The following ATF7IP variants were observed in gnomAD, a reference collection of about 807,000 sequenced individuals.
The protein encoded by ATF7IP is activating transcription factor 7 interacting protein, also known as activating transcription factor 7-interacting protein 1.
A neutral mutation model predicts 106.4 loss-of-function variants in ATF7IP; 23 were observed. The observed-to-expected ratio is 0.22, with a 90% CI of 0.16 to 0.31. The LOEUF is 0.31. Among genes scored for constraint, ATF7IP ranks in the 10% least tolerant of loss-of-function variants. The pLI, the probability that ATF7IP is intolerant of heterozygous loss-of-function variation, is 1.00. For missense variants in ATF7IP, 1,334 were observed against 1,524.3 expected (o/e 0.88, Z 2.08); for synonymous variants, 542 against 539.0 (o/e 1.01, Z -0.08).
At chr12:14,440,943 A>T (rs1308173579) in intron 5 of ATF7IP, among the ~76,000 whole-genome samples, 1 of 152,216 alleles carries the variant, frequency 6.6e-6, no homozygotes, top group East Asian at 1.9e-4. Context: ...ATTCCATTAT[A>T]TGGCGGTATA....
chr12:14,415,577 T>C (rs1941157729), intron 1 of ATF7IP, among the ~76,000 whole-genome samples: 1 of 152,166 alleles, frequency 6.6e-6, no homozygotes, highest in Non-Finnish European at 1.5e-5. Flanking sequence ...ATTCCACATT[T>C]TGGTCGGTGA....
intron 8 of ATF7IP, 91 bp from the exon 9 acceptor site, chr12:14,460,404 A>G: frequency 7.8e-7 from 1 of 1,277,736 alleles, no homozygotes; most frequent in Non-Finnish European, 1.1e-6. Flanking sequence ...GCAATGTATT[A>G]CGCAATGTAT....
intron 1 of ATF7IP, among the ~76,000 whole-genome samples, chr12:14,372,950 G>T (rs1448576727): frequency 1.3e-5 from 2 of 152,096 alleles, no homozygotes; most frequent in African/African-American, 4.8e-5. Context: ...AACTTTCTTT[G>T]GTTCAGTAAT....
intron 1 of ATF7IP, among the ~76,000 whole-genome samples, chr12:14,370,615 G>A (rs1233508337): frequency 1.3e-5 from 2 of 151,824 alleles, no homozygotes; most frequent in East Asian, 3.9e-4. Context: ...TAATTCATCG[G>A]TATTACACAC....
chr12:14,392,754 C>T (rs940001161), intron 1 of ATF7IP, among the ~76,000 whole-genome samples: 8 of 152,132 alleles, frequency 5.3e-5, no homozygotes, highest in African/African-American at 1.7e-4. Context: ...GAGAACTGTT[C>T]GCTTCTGGTC....
At chr12:14,459,362 G>A (rs1411067258) in intron 8 of ATF7IP, among the ~76,000 whole-genome samples, 2 of 152,120 alleles carry the variant, frequency 1.3e-5, no homozygotes, top group African/African-American at 2.4e-5. Flanking sequence ...GGAATATTAA[G>A]AAAAGAACCC....
intron 5 of ATF7IP, among the ~76,000 whole-genome samples, chr12:14,441,106 T>A (rs1942672145): frequency 1.3e-5 from 2 of 152,208 alleles, no homozygotes; most frequent in South Asian, 4.1e-4. Flanking sequence ...GGTGTGGAAT[T>A]GTGGGCCATA....
intron 1 of ATF7IP, chr12:14,419,493 G>T (rs1166735742): frequency 6.6e-6 from 1 of 152,138 alleles, no homozygotes; most frequent in Non-Finnish European, 1.5e-5. Context: ...TGAGGCTAAA[G>T]TTCAAAAGAA....
intron 1 of ATF7IP, among the ~76,000 whole-genome samples, chr12:14,399,560 ATTTT>A (rs1221504362): frequency 6.7e-6 from 1 of 149,476 alleles, no homozygotes; most frequent in Non-Finnish European, 1.5e-5. Flanking sequence ...AAACTTGTAT[ATTTT>A]TTCAGCTTTG....
At position 14,467,319 on chromosome 12, in the gene ATF7IP, C is replaced by T. The variant is rs1019329363; in HGVS notation, c.2862+729C>T. On this transcript the variant is annotated intron_variant, in intron 10 of 14. Transcript: ENST00000261168. The stretch of plus-strand genomic sequence containing the variant: ...TGAAAAAATGACAAGAATTTTAAAA[C>T]AAGGGCATCATTTGATCTTTAAATA... Among the ~76,000 whole-genome samples, 3 of 151,992 alleles carry T rather than the reference C, an allele frequency of 2.0e-5. No individual in the cohort carries two copies. In the East Asian group the frequency reaches 5.8e-4, roughly 29 times the overall value.
At chr12:14,382,761 G>A (rs530526936) in intron 1 of ATF7IP, among the ~76,000 whole-genome samples, 2 of 152,092 alleles carry the variant, frequency 1.3e-5, no homozygotes, top group East Asian at 3.8e-4. Flanking sequence ...ATCAAGATGC[G>A]ATTTATATCC....
intron 11 of ATF7IP, 34 bp downstream of exon 11, chr12:14,476,002 T>C: frequency 6.6e-7 from 1 of 1,523,580 alleles, no homozygotes; most frequent in South Asian, 1.1e-5. Flanking sequence ...AGCAACGTTT[T>C]GATACCATTT....
intron 1 of ATF7IP, among the ~76,000 whole-genome samples, chr12:14,404,647 A>G (rs1278436462): frequency 6.6e-6 from 1 of 152,118 alleles, no homozygotes; most frequent in African/African-American, 2.4e-5. Context: ...TTACTGTTAC[A>G]TATTTCACAA....
chr12:14,415,061 G>A (rs1388084562), intron 1 of ATF7IP, among the ~76,000 whole-genome samples: 1 of 152,026 alleles, frequency 6.6e-6, no homozygotes, highest in Non-Finnish European at 1.5e-5. Context: ...GTGCCACTGC[G>A]CCCAGCTCTG....
chr12:14,467,757 G>T (rs181943847), intron 10 of ATF7IP, among the ~76,000 whole-genome samples: 8 of 151,850 alleles, frequency 5.3e-5, no homozygotes, highest in Admixed American at 5.3e-4. Flanking sequence ...GTAAATGGTG[G>T]TTCTTCTAGA....
chr12:14,458,416 C>G (rs1343470439), intron 8 of ATF7IP, among the ~76,000 whole-genome samples: 1 of 152,204 alleles, frequency 6.6e-6, no homozygotes. Context: ...CTAGCCCTTA[C>G]AGATAATTGT....
chr12:14,369,010 C>T (rs1371014435), intron 1 of ATF7IP: 4 of 151,658 alleles, frequency 2.6e-5, no homozygotes, highest in Non-Finnish European at 5.9e-5. Context: ...AGTGCAGTGG[C>T]AGTGATCTCT....
intron 5 of ATF7IP, among the ~76,000 whole-genome samples, chr12:14,446,379 CTTAGGTGA>C (rs1030177595): frequency 6.6e-6 from 1 of 152,140 alleles, no homozygotes; most frequent in Non-Finnish European, 1.5e-5. Flanking sequence ...AACTCTTGGC[CTTAGGTGA>C]TCCACCTGCC....
chr12:14,365,754 G>T lies in ATF7IP; in HGVS notation c.-81G>T. On this transcript the variant is annotated 5_prime_UTR_variant, in exon 1 of 15. Transcript: ENST00000261168. ...GCGCGCGAAAAGCTGAGGCGGCAAC[G>T]TCGGGGACGGCTGCGCGGGACGGCT... 1 of 155,672 alleles carries T rather than the reference G, an allele frequency of 6.4e-6. No homozygotes were observed. Among genetic ancestry groups the T allele is most frequent in the Non-Finnish European group, 1.4e-5 (1 of 69,540 alleles). 9.6% of individuals were successfully genotyped at this position (155,672 alleles called of 1,614,324 possible). A position where few individuals can be genotyped will look rare whatever the true frequency, so the allele number is the denominator to read the frequency against.
Sources: gnomAD v4.1 joint callset for allele counts (sites outside exome capture counted in the v4.1 genomes callset) on GRCh38, gnomAD v4.1.1 for gene constraint, MANE v1.5 for transcripts, NCBI Gene and HGNC (gene_info 2026-07-23, HGNC 2026-07-21) for gene names.